The following SORCS3 variants were observed in gnomAD, a reference collection of about 807,000 sequenced individuals.
The protein encoded by SORCS3 is sortilin related VPS10 domain containing receptor 3.
Under a neutral mutation model 146.3 loss-of-function variants are expected in SORCS3, and 57 were observed. The observed-to-expected ratio is 0.39, with a 90% confidence interval of 0.31 to 0.49. The LOEUF (loss-of-function observed/expected upper bound fraction) is 0.49, where lower values mean the gene tolerates loss of function less well. Among genes scored for constraint, SORCS3 ranks in the 20% least tolerant of loss-of-function variants. The pLI is 0.92. For synonymous variants in SORCS3, 653 were observed against 618.5 expected (o/e 1.06, Z -0.83); for missense variants, 1,341 against 1,575.5 (o/e 0.85, Z 2.52).
chr10:105,022,301 T>C (rs2055202701), intron 4 of SORCS3, among the ~76,000 whole-genome samples: 1 of 140,924 alleles, frequency 7.1e-6, no homozygotes, highest in Non-Finnish European at 1.6e-5. Context: ...TCTTTTCTTT[T>C]TTTTTTTTTT....
At chr10:105,077,545 CACACACACACACACACACACAG>C (rs747948238) in intron 5 of SORCS3, among the ~76,000 whole-genome samples, 113 of 113,022 alleles carry the variant, frequency 1.0e-3, no homozygotes, top group African/African-American at 2.7e-3. Flanking sequence ...CACACACACA[CACACACACACACACACACACAG>C]AGGGATGGTA....
rs540369678 is a variant in SORCS3, at chr10:105,045,593, A to T, written c.1028+2465A>T. Among the ~76,000 whole-genome samples the T allele has an allele frequency of 5.7e-3, 862 of 152,152 alleles. 1 individual carries two copies. Among genetic ancestry groups the T allele is most frequent in the Non-Finnish European group, 9.3e-3 (630 of 67,996 alleles). On this transcript the variant is annotated intron_variant, in intron 5 of 26. Coordinates refer to ENST00000369701, the MANE Select transcript of SORCS3 (RefSeq NM_014978.3). The stretch of plus-strand genomic sequence containing the variant: ...GCTCTAAACCGCTTATATTGAAGAT[A>T]TATGTTTTGTATAGGTTAGGGATGT...
intron 1 of SORCS3, among the ~76,000 whole-genome samples, chr10:104,779,050 AT>A (rs2017343695): frequency 6.6e-6 from 1 of 152,180 alleles, no homozygotes; most frequent in Admixed American, 6.5e-5. Flanking sequence ...GAGACAGAAG[AT>A]TTAACAATGG....
At chr10:105,053,234 C>T (rs941164893) in intron 5 of SORCS3, among the ~76,000 whole-genome samples, 3 of 151,966 alleles carry the variant, frequency 2.0e-5, no homozygotes, top group African/African-American at 7.2e-5. Flanking sequence ...AGAGCTTCAA[C>T]ATATTTTTTT....
chr10:105,164,585 C>A (rs962276024), intron 12 of SORCS3, among the ~76,000 whole-genome samples: 17 of 152,162 alleles, frequency 1.1e-4, no homozygotes, highest in Admixed American at 3.3e-4. Context: ...ATAGGAGGAA[C>A]TGGAATTTTC....
chr10:104,959,113 T>A (rs1486909536), intron 3 of SORCS3, among the ~76,000 whole-genome samples: 1 of 152,122 alleles, frequency 6.6e-6, no homozygotes, highest in Admixed American at 6.5e-5. Context: ...GTGAGACTCA[T>A]TTTGGGCTTC....
intron 4 of SORCS3, among the ~76,000 whole-genome samples, chr10:105,039,453 T>A (rs868205774): frequency 1.2e-5 from 1 of 86,950 alleles, no homozygotes; most frequent in Admixed American, 1.0e-4. Flanking sequence ...CTCGCTCTCT[T>A]TTTTTTTTTT....
chr10:104,727,403 G>A (rs1360255492), intron 1 of SORCS3, among the ~76,000 whole-genome samples: 1 of 151,886 alleles, frequency 6.6e-6, no homozygotes, highest in Admixed American at 6.6e-5. Flanking sequence ...ATATCTTTGT[G>A]TGCATCCCTC....
intron 7 of SORCS3, among the ~76,000 whole-genome samples, chr10:105,115,987 T>G (rs975019978): frequency 6.6e-6 from 1 of 152,214 alleles, no homozygotes; most frequent in Non-Finnish European, 1.5e-5. Flanking sequence ...TTCAGGTGAA[T>G]ATTCTTGAAG....
chr10:104,980,082 C>T (rs1165340253), intron 4 of SORCS3, among the ~76,000 whole-genome samples: 1 of 152,168 alleles, frequency 6.6e-6, no homozygotes, highest in East Asian at 1.9e-4. Context: ...TCATGAAGTA[C>T]CCTTATGGAT....
intron 4 of SORCS3, among the ~76,000 whole-genome samples, chr10:105,031,729 CT>C (rs1168980531): frequency 4.6e-5 from 7 of 152,212 alleles, no homozygotes; most frequent in Non-Finnish European, 1.0e-4. Flanking sequence ...CCCTCCAATG[CT>C]ACATGGAAGA....
chr10:105,104,998 G>A (rs373350237), intron 6 of SORCS3, among the ~76,000 whole-genome samples: 43 of 152,260 alleles, frequency 2.8e-4, no homozygotes, highest in African/African-American at 9.9e-4. Flanking sequence ...CCTTGCCTCT[G>A]TGGAAATATG....
At chr10:105,038,634 C>A (rs1328396321) in intron 4 of SORCS3, among the ~76,000 whole-genome samples, 2 of 151,994 alleles carry the variant, frequency 1.3e-5, no homozygotes, top group Non-Finnish European at 2.9e-5. Flanking sequence ...ATGGAAACTT[C>A]AAAAATATAT....
At chr10:105,236,207 C>G (rs989306020) in intron 20 of SORCS3, among the ~76,000 whole-genome samples, 2 of 152,068 alleles carry the variant, frequency 1.3e-5, no homozygotes, top group African/African-American at 4.8e-5. Flanking sequence ...AAGTTAAGCT[C>G]CCTGTCTGAG....
At chr10:104,660,948 C>T (rs761775541) in intron 1 of SORCS3, among the ~76,000 whole-genome samples, 19 of 152,176 alleles carry the variant, frequency 1.2e-4, no homozygotes, top group African/African-American at 3.1e-4. Context: ...TTGGTTTAAG[C>T]GGAGGGGCAA....
In SORCS3 at chr10:104,693,245, G is replaced by A. The variant is rs147058673; in HGVS notation, c.627+51291G>A. Among the ~76,000 whole-genome samples, 894 of 152,268 alleles carry A rather than the reference G, an allele frequency of 5.9e-3. 7 individuals carry two copies. The highest frequency in any genetic ancestry group is 0.02 in the African/African-American group (822 of 41,542). ...TGCAGCCAGGAGACAGATTGGCTGA[G>A]CTCCAGTGTATGGAATGGAAAGTGA... On this transcript the variant is annotated intron_variant, in intron 1 of 26. Coordinates refer to ENST00000369701, the MANE Select transcript of SORCS3 (RefSeq NM_014978.3).
chr10:105,170,156 A>G (rs573094521), intron 13 of SORCS3, among the ~76,000 whole-genome samples: 1 of 152,276 alleles, frequency 6.6e-6, no homozygotes, highest in Admixed American at 6.5e-5. Context: ...TGGTTTTGTC[A>G]AATATTGGCA....
intron 1 of SORCS3, among the ~76,000 whole-genome samples, chr10:104,835,530 G>A (rs2018056700): frequency 6.6e-6 from 1 of 152,180 alleles, no homozygotes; most frequent in Non-Finnish European, 1.5e-5. Context: ...AGGCATTAAA[G>A]GTCCTCACTT....
intron 14 of SORCS3, among the ~76,000 whole-genome samples, chr10:105,183,555 A>G (rs2056456341): frequency 6.6e-6 from 1 of 152,070 alleles, no homozygotes; most frequent in Non-Finnish European, 1.5e-5. Flanking sequence ...GCTTCCATTG[A>G]TCTGTTTTTC....
Sources: gnomAD v4.1 joint callset for allele counts (sites outside exome capture counted in the v4.1 genomes callset) on GRCh38, gnomAD v4.1.1 for gene constraint, MANE v1.5 for transcripts, NCBI Gene and HGNC (gene_info 2026-07-23, HGNC 2026-07-21) for gene names.